Variants in TEK observed in about 807,000 individuals in gnomAD.
TEK encodes the protein angiopoietin-1 receptor.
TEK carries 43 observed loss-of-function variants against 131.8 expected under a neutral mutation model. That is an observed-to-expected ratio of 0.33 (90% confidence interval 0.26 to 0.42). The LOEUF (loss-of-function observed/expected upper bound fraction) is 0.42. Ranked by LOEUF, TEK falls within the 10% of genes least tolerant of loss-of-function variation. TEK has a pLI of 1.00. For synonymous variants in TEK, 580 were observed against 491.6 expected (o/e 1.18, Z -2.38); for missense variants, 1,162 against 1,384.4 (o/e 0.84, Z 2.55).
rs1361695524 is a variant in TEK at position 27,229,588 on chromosome 9, A to G, written c.*356A>G. The stretch of plus-strand genomic sequence containing the variant: ...TATTTTGATATTTACCTTTATGTTG[A>G]ATGCTATTAAATGTTTTCCTGTGTC... On this transcript the variant is annotated 3_prime_UTR_variant, in exon 23 of 23. Transcript: ENST00000380036. The G allele has an allele frequency of 3.6e-6, 1 of 279,166 alleles. No homozygotes were observed. Among genetic ancestry groups the G allele is most frequent in the Non-Finnish European group, 6.9e-6 (1 of 144,454 alleles). 17.3% of individuals were successfully genotyped at this position (279,166 alleles called of 1,614,324 possible).
At chr9:27,141,755 C>G (rs765857512) in intron 1 of TEK, among the ~76,000 whole-genome samples, 2 of 152,112 alleles carry the variant, frequency 1.3e-5, no homozygotes, top group Non-Finnish European at 2.9e-5. Context: ...GTCCGGACTT[C>G]AGAATTAAGT....
At chr9:27,201,071 C>T (rs187808815) in intron 12 of TEK, among the ~76,000 whole-genome samples, 180 of 152,228 alleles carry the variant, frequency 1.2e-3, no homozygotes, top group Admixed American at 1.4e-3. Context: ...AGTGATATCC[C>T]GTTTCTAAAT....
At chr9:27,225,798 G>A (rs2131261183) in intron 21 of TEK, among the ~76,000 whole-genome samples, 1 of 152,212 alleles carries the variant, frequency 6.6e-6, no homozygotes, top group Admixed American at 6.5e-5. Context: ...GAGTGAACAG[G>A]CAACCTACAG....
In TEK at chr9:27,229,486, TA is replaced by T. The variant is rs1420828005; in HGVS notation, c.*255del. 1.9e-6 allele frequency: 1 copy of T among 512,954 alleles called. No homozygotes were observed. The highest frequency in any genetic ancestry group is 3.5e-6 in the Non-Finnish European group (1 of 285,228). 31.8% of individuals were successfully genotyped at this position (512,954 alleles called of 1,614,324 possible). A position where few individuals can be genotyped will look rare whatever the true frequency, so the allele number is the denominator to read the frequency against. ...GTTTGTGGTTTCATATGCAATAATA[TA>T]TTTTTTTAAAAATGTGGACTTCATA... On this transcript the variant is annotated 3_prime_UTR_variant, in exon 23 of 23. Transcript: ENST00000380036.
intron 1 of TEK, among the ~76,000 whole-genome samples, chr9:27,123,052 C>CAAAA (rs10700803): frequency 0.032 from 1,121 of 34,682 alleles, 287 homozygotes; most frequent in African/African-American, 0.083. Flanking sequence ...GACTCTGTCT[C>CAAAA]AAAAAAAAAA....
At chr9:27,143,081 T>G (rs973884486) in intron 1 of TEK, among the ~76,000 whole-genome samples, 1 of 152,142 alleles carries the variant, frequency 6.6e-6, no homozygotes, top group African/African-American at 2.4e-5. Flanking sequence ...GCTTCAAGAT[T>G]GAGGGAGCAT....
intron 1 of TEK, among the ~76,000 whole-genome samples, chr9:27,129,535 C>T (rs1045529488): frequency 4.6e-5 from 7 of 152,238 alleles, no homozygotes; most frequent in South Asian, 4.2e-4. Flanking sequence ...TATCTAAGCC[C>T]ATCTCCTCTG....
At position 27,185,656 on chromosome 9, in the gene TEK, T is replaced by C. The variant is rs778224689; in HGVS notation, c.1327+27T>C. 7 of 1,613,112 alleles carry C rather than the reference T, an allele frequency of 4.3e-6. No homozygotes were observed. In the South Asian group the frequency reaches 7.7e-5, roughly 18 times the overall value. ...TAAGTTCATTTCCCAGAAAAAGGGATTGTGTCCTTGATGCATTATGTTTTT... is the reference window on the plus strand; with the variant it reads ...TAAGTTCATTTCCCAGAAAAAGGGACTGTGTCCTTGATGCATTATGTTTTT... On this transcript the variant is annotated intron_variant, in intron 9 of 22. Coordinates refer to ENST00000380036, the MANE Select transcript of TEK (RefSeq NM_000459.5).
At chr9:27,155,677 C>T (rs545098701) in intron 1 of TEK, among the ~76,000 whole-genome samples, 1 of 152,310 alleles carries the variant, frequency 6.6e-6, no homozygotes, top group South Asian at 2.1e-4. Flanking sequence ...CTTAAACGCT[C>T]AGCAGTCATT....
intron 6 of TEK, among the ~76,000 whole-genome samples, chr9:27,174,974 T>TAA (rs1298499187): frequency 1.3e-5 from 2 of 149,700 alleles, no homozygotes; most frequent in Admixed American, 6.6e-5. Flanking sequence ...GTTTTTTTTT[T>TAA]AATTCTTTTT....
chr9:27,225,273 C>T (rs1027394366), intron 21 of TEK, among the ~76,000 whole-genome samples: 3 of 152,128 alleles, frequency 2.0e-5, no homozygotes, highest in Admixed American at 1.3e-4. Context: ...AAAGAGCCTG[C>T]ATAGCCAAGA....
chr9:27,126,084 G>T (rs1431738227), intron 1 of TEK, among the ~76,000 whole-genome samples: 1 of 152,190 alleles, frequency 6.6e-6, no homozygotes, highest in Non-Finnish European at 1.5e-5. Flanking sequence ...TAGGGTCACT[G>T]CAAGCTTCTG....
chr9:27,152,594 C>CA (rs1315906962), intron 1 of TEK, among the ~76,000 whole-genome samples: 3 of 135,684 alleles, frequency 2.2e-5, no homozygotes, highest in African/African-American at 8.6e-5. Flanking sequence ...TATGAAGCCC[C>CA]CCCGCCGCAA....
intron 11 of TEK, chr9:27,195,568 G>C: frequency 2.2e-6 from 1 of 448,522 alleles, no homozygotes; most frequent in South Asian, 1.6e-5. Context: ...GAGAATGCAT[G>C]AATTAGAGGA....
chr9:27,111,415 T>C (rs1821341226), intron 1 of TEK, among the ~76,000 whole-genome samples: 1 of 152,184 alleles, frequency 6.6e-6, no homozygotes, highest in Non-Finnish European at 1.5e-5. Flanking sequence ...TAGGAGCCCG[T>C]TCCTCTAGTC....
At chr9:27,178,386 G>A (rs1047916849) in intron 6 of TEK, among the ~76,000 whole-genome samples, 6 of 151,992 alleles carry the variant, frequency 3.9e-5, no homozygotes, top group African/African-American at 1.4e-4. Flanking sequence ...TTTGAAATCA[G>A]GTAATGTGAT....
At chr9:27,188,287 G>T (rs1262946467) in intron 9 of TEK, among the ~76,000 whole-genome samples, 1 of 152,182 alleles carries the variant, frequency 6.6e-6, no homozygotes, top group African/African-American at 2.4e-5. Context: ...TTACATGGGT[G>T]TACACATAGG....
At chr9:27,217,968 C>G (rs1825880387) in intron 19 of TEK, among the ~76,000 whole-genome samples, 1 of 152,096 alleles carries the variant, frequency 6.6e-6, no homozygotes, top group East Asian at 1.9e-4. Context: ...TTGGGTTTCC[C>G]TCTGCATACT....
chr9:27,175,274 G>C (rs1257501421), intron 6 of TEK, among the ~76,000 whole-genome samples: 3 of 150,676 alleles, frequency 2.0e-5, no homozygotes, highest in Non-Finnish European at 3.0e-5. Flanking sequence ...TACTGAGAAT[G>C]ATGATTTCCA....
Sources: allele counts gnomAD v4.1 joint callset (sites outside exome capture counted in the v4.1 genomes callset), GRCh38; gene constraint gnomAD v4.1.1; transcripts MANE v1.5; gene names NCBI Gene and HGNC (gene_info 2026-07-23, HGNC 2026-07-21).